The following KLHL25 variants were observed in gnomAD, a reference collection of about 807,000 sequenced individuals.
KLHL25 encodes the protein kelch-like protein 25.
Under a neutral mutation model 30.0 loss-of-function variants are expected in KLHL25, and 41 were observed. That is an observed-to-expected ratio of 1.37 (90% CI 1.07 to 1.78). KLHL25 has a LOEUF of 1.78. KLHL25 is among the 40% of genes most tolerant of loss of function. The probability of loss-of-function intolerance (pLI) is 0.00; values close to 1 mark genes in which losing one functional copy is unlikely to be tolerated. For missense variants in KLHL25, 971 were observed against 824.5 expected (o/e 1.18, Z -2.18); for synonymous variants, 399 against 355.3 (o/e 1.12, Z -1.38).
At chr15:85,767,407 G>A (rs2089632311) in intron 2 of KLHL25, among the ~76,000 whole-genome samples, 1 of 152,120 alleles carries the variant, frequency 6.6e-6, no homozygotes, top group Admixed American at 6.5e-5. Context: ...GGCCTGGTTG[G>A]CAATCTTCAT....
chr15:85,784,553 A>AT (rs1555470834), intron 1 of KLHL25, among the ~76,000 whole-genome samples: 3 of 145,966 alleles, frequency 2.1e-5, no homozygotes, highest in African/African-American at 7.4e-5. Flanking sequence ...AAAATAAAAA[A>AT]AAAAGCAGAG....
chr15:85,785,918 G>C (rs940770693), intron 1 of KLHL25, among the ~76,000 whole-genome samples: 1 of 152,066 alleles, frequency 6.6e-6, no homozygotes, highest in Non-Finnish European at 1.5e-5. Context: ...TTCAAGCTGC[G>C]CTCACAATGG....
At chr15:85,776,413 T>C (rs896222866) in intron 1 of KLHL25, among the ~76,000 whole-genome samples, 1 of 143,734 alleles carries the variant, frequency 7.0e-6, no homozygotes, top group Non-Finnish European at 1.5e-5. Flanking sequence ...TGCTCAAACC[T>C]GGGAGGTGAA....
At chr15:85,791,173 C>T (rs1284826949) in intron 1 of KLHL25, among the ~76,000 whole-genome samples, 1 of 128,150 alleles carries the variant, frequency 7.8e-6, no homozygotes, top group Non-Finnish European at 1.6e-5. Context: ...CCAGCCTGGG[C>T]TACAAGGTAA....
rs1041494377 is a variant in KLHL25, at chr15:85,794,851, C to T, written c.-96G>A. 4.6e-5 allele frequency: 7 copies of T among 152,468 alleles called. No homozygotes were observed. Among genetic ancestry groups the T allele is most frequent in the African/African-American group, 1.7e-4 (7 of 41,462 alleles). 9.4% of individuals were successfully genotyped at this position (152,468 alleles called of 1,614,324 possible). The stretch of plus-strand genomic sequence containing the variant: ...AGCTCAACAGGCTCCGCCGCGGCTC[C>T]CGTCGGCCGGCTCTCCACAGGCAAA... On this transcript the variant is annotated 5_prime_UTR_variant, in exon 1 of 3. Transcript: ENST00000337975.
chr15:85,790,635 A>G (rs528190192), intron 1 of KLHL25, among the ~76,000 whole-genome samples: 1 of 152,128 alleles, frequency 6.6e-6, no homozygotes, highest in Non-Finnish European at 1.5e-5. Flanking sequence ...CGACTCCCCT[A>G]CTCTGACTCA....
intron 1 of KLHL25, among the ~76,000 whole-genome samples, chr15:85,788,026 G>A (rs538236031): frequency 3.7e-5 from 5 of 136,656 alleles, no homozygotes; most frequent in African/African-American, 1.1e-4. Context: ...ACCGCACTGC[G>A]GCCTGGGCAA....
chr15:85,779,400 T>C (rs1405649340), intron 1 of KLHL25, among the ~76,000 whole-genome samples: 1 of 152,096 alleles, frequency 6.6e-6, no homozygotes, highest in Non-Finnish European at 1.5e-5. Flanking sequence ...GCTTAGTTCT[T>C]GGGGAATGAA....
In KLHL25 at chr15:85,768,590, A is replaced by C; in HGVS notation, c.1221T>G (p.Pro407=). 1 of 1,611,126 alleles carries C rather than the reference A, an allele frequency of 6.2e-7. No individual in the cohort carries two copies. The highest frequency in any genetic ancestry group is 2.2e-5 in the East Asian group (1 of 44,762). Residue 407 remains proline, a synonymous_variant, in exon 2 of 3, where the codon CCT becomes CCG. Coordinates refer to ENST00000337975, the MANE Select transcript of KLHL25 (RefSeq NM_022480.4). ...TCTCCACTTGTTTCAGGGAGACAGA[A>C]GGCGAGGCCGGGAAGACCCCTGCCA... is the stretch of plus-strand genomic sequence containing the variant. ...TSLAGVFPAS[P]SVSLKQVEKY...
intron 1 of KLHL25, among the ~76,000 whole-genome samples, chr15:85,783,138 C>T (rs980775957): frequency 6.6e-6 from 1 of 152,200 alleles, no homozygotes; most frequent in Non-Finnish European, 1.5e-5. Flanking sequence ...CTCACTCTAT[C>T]GCCCAAGCTG....
chr15:85,766,379 G>A (rs1260728435), intron 2 of KLHL25, among the ~76,000 whole-genome samples: 2 of 152,208 alleles, frequency 1.3e-5, no homozygotes, highest in African/African-American at 4.8e-5. Context: ...CTAGTGGCAC[G>A]CACCCTGGCC....
intron 1 of KLHL25, among the ~76,000 whole-genome samples, chr15:85,777,266 T>C (rs1420141449): frequency 6.6e-6 from 1 of 152,170 alleles, no homozygotes; most frequent in African/African-American, 2.4e-5. Context: ...CTCACCCCAA[T>C]AGCACAGAAC....
rs952788987 is a variant in KLHL25 at position 85,768,353 on chromosome 15, G to A, written c.1458C>T (p.Ala486=). ...AGATCTGGCTGCCCAGGACGGCAGC[G>A]GCTGTGTACCGCCAAGGCTGGGGGC... The part of the protein sequence containing the change: ...AECPQPWRYT[A]AAVLGSQIFI... The change falls in exon 2 of 3, where the codon GCC becomes GCT. Residue 486 remains alanine, a synonymous_variant. Coordinates refer to ENST00000337975, the MANE Select transcript of KLHL25 (RefSeq NM_022480.4). 9.9e-6 allele frequency: 16 copies of A among 1,613,620 alleles called. No individual in the cohort carries two copies. The highest frequency in any genetic ancestry group is 3.3e-5 in the Admixed American group (2 of 60,016).
At chr15:85,765,418 G>T (rs1219299599) in intron 2 of KLHL25, among the ~76,000 whole-genome samples, 2 of 151,992 alleles carry the variant, frequency 1.3e-5, no homozygotes, top group African/African-American at 4.8e-5. Flanking sequence ...CTGAGGTCTG[G>T]AGTTTGAGAC....
intron 2 of KLHL25, among the ~76,000 whole-genome samples, chr15:85,765,709 G>A (rs1383436787): frequency 6.6e-6 from 1 of 151,446 alleles, no homozygotes; most frequent in Admixed American, 6.6e-5. Context: ...GCACACGTCT[G>A]TAATCCCAGC....
intron 1 of KLHL25, among the ~76,000 whole-genome samples, chr15:85,790,235 T>A (rs2089807639): frequency 6.6e-6 from 1 of 152,194 alleles, no homozygotes; most frequent in African/African-American, 2.4e-5. Context: ...ATTACAGGCA[T>A]GAGCCACCAC....
At chr15:85,772,384 C>A (rs1567239928) in intron 1 of KLHL25, among the ~76,000 whole-genome samples, 2 of 152,244 alleles carry the variant, frequency 1.3e-5, no homozygotes, top group Non-Finnish European at 2.9e-5. Flanking sequence ...CACCTGCCCC[C>A]TGCCCCACCC....
chr15:85,777,035 T>C (rs947589831), intron 1 of KLHL25, among the ~76,000 whole-genome samples: 2 of 152,202 alleles, frequency 1.3e-5, no homozygotes, highest in Non-Finnish European at 2.9e-5. Flanking sequence ...TGCTGGGCAG[T>C]ACTTAAACCT....
intron 1 of KLHL25, 82 bp from the exon 2 acceptor site, chr15:85,769,902 C>G (rs2089659710): frequency 8.8e-7 from 1 of 1,133,694 alleles, no homozygotes; most frequent in Admixed American, 2.3e-5. Context: ...AGCACAAGCC[C>G]CCTTGTCCCC....
Sources: allele counts gnomAD v4.1 joint callset (sites outside exome capture counted in the v4.1 genomes callset), GRCh38; gene constraint gnomAD v4.1.1; transcripts MANE v1.5; gene names NCBI Gene and HGNC (gene_info 2026-07-23, HGNC 2026-07-21).